Variants in RANBP2 observed in about 807,000 individuals in gnomAD.
RANBP2 encodes the protein E3 SUMO-protein ligase RanBP2.
RANBP2 carries 57 observed loss-of-function variants against 303.6 expected under a neutral mutation model. The observed-to-expected ratio is 0.19, with a 90% CI of 0.15 to 0.23. RANBP2 has a LOEUF of 0.23. Among genes scored for constraint, RANBP2 ranks in the 10% least tolerant of loss-of-function variants. The pLI, the probability that RANBP2 is intolerant of heterozygous loss-of-function variation, is 1.00. For missense variants in RANBP2, 3,138 were observed against 3,780.8 expected, an observed-to-expected ratio of 0.83 and a Z score of 4.46; for synonymous variants, 1,167 against 1,301.5, an observed-to-expected ratio of 0.90 and a Z score of 2.23.
chr2:109,546,336 A>G, the RANBP2 span: 1 of 671,114 alleles, frequency 1.5e-6, no homozygotes, highest in Non-Finnish European at 2.4e-6. Flanking sequence ...AGCGCAACAC[A>G]GAATAACCTA....
the RANBP2 span, chr2:108,910,747 A>G: frequency 5.6e-6 from 9 of 1,610,844 alleles, no homozygotes; most frequent in African/African-American, 9.3e-5. Context: ...CACCGTGCAC[A>G]TGGTGTGTGG....
At chr2:109,677,850 T>C in the RANBP2 span, among the ~76,000 whole-genome samples, 4 of 152,250 alleles carry the variant, frequency 2.6e-5, no homozygotes, top group African/African-American at 9.6e-5. Context: ...TGTCTTACTC[T>C]AAACCAGGCT....
chr2:109,378,176 C>T, the RANBP2 span, among the ~76,000 whole-genome samples: 1 of 152,358 alleles, frequency 6.6e-6, no homozygotes, highest in South Asian at 2.1e-4. Context: ...CGCAGCACCT[C>T]CAGACCTGTC....
rs1676915003 is a variant in RANBP2 at position 108,763,756 on chromosome 2, G to C, written c.3217G>C (p.Asp1073His). ...AAGCCTTTTAGGTCTCCTGACTTCA[G>C]ATAAACCCTTGCAAGGAGATGGCTA... is the stretch of plus-strand genomic sequence containing the variant. Reference protein sequence around the residue: ...SESLLGLLTSDKPLQGDGYSG... With the variant: ...SESLLGLLTSHKPLQGDGYSG... Residue 1073 changes from aspartate (D) to histidine (H), a missense_variant, in exon 20 of 29, where the codon GAT becomes CAT. By Grantham distance (81) the Asp-to-His change is moderately conservative. Coordinates refer to ENST00000283195, the MANE Select transcript of RANBP2 (RefSeq NM_006267.5). 3 of 1,613,942 alleles carry C rather than the reference G, an allele frequency of 1.9e-6. No homozygotes were observed. Among genetic ancestry groups the C allele is most frequent in the Non-Finnish European group, 2.5e-6 (3 of 1,179,962 alleles).
At chr2:109,187,214 T>A in the RANBP2 span, among the ~76,000 whole-genome samples, 1 of 152,356 alleles carries the variant, frequency 6.6e-6, no homozygotes, top group South Asian at 2.1e-4. Context: ...TTACTTGTTA[T>A]CTTAGGTTGA....
At chr2:109,178,296 C>T in the RANBP2 span, among the ~76,000 whole-genome samples, 10 of 152,104 alleles carry the variant, frequency 6.6e-5, no homozygotes, top group African/African-American at 2.4e-4. Flanking sequence ...ATTTTTAGAG[C>T]TCTTTTATGA....
the RANBP2 span, chr2:108,791,540 G>A: frequency 9.7e-7 from 1 of 1,028,030 alleles, no homozygotes; most frequent in Non-Finnish European, 1.5e-6. Context: ...CTTTTTACAT[G>A]TTTACATTTT....
chr2:109,095,096 A>G, the RANBP2 span, among the ~76,000 whole-genome samples: 1 of 152,164 alleles, frequency 6.6e-6, no homozygotes, highest in Non-Finnish European at 1.5e-5. Context: ...ACTTTTGAAA[A>G]TTGTTCAATT....
At position 108,767,966 on chromosome 2, in the gene RANBP2, C is replaced by T; in HGVS notation, c.7427C>T (p.Thr2476Ile). ...GCTGTAGCTGTATTAGAAGAAACCA[C>T]AAGAGAGAGGACAGATGTTATTCAG... The part of the protein sequence containing the change: ...KIAVAVLEET[T>I]RERTDVIQGD... Residue 2476 changes from threonine to isoleucine, a missense_variant, in exon 20 of 29, where the codon ACA (threonine) becomes ATA (isoleucine). This residue lies in a region of RANBP2 where 92 missense variants were observed against 211.0 expected (regional missense o/e 0.44). Transcript: ENST00000283195. 2.5e-6 allele frequency: 4 copies of T among 1,611,874 alleles called. No homozygotes were observed. Among genetic ancestry groups the T allele is most frequent in the African/African-American group, 1.3e-5 (1 of 74,918 alleles).
At chr2:109,350,009 G>A in the RANBP2 span, among the ~76,000 whole-genome samples, 1 of 152,232 alleles carries the variant, frequency 6.6e-6, no homozygotes, top group African/African-American at 2.4e-5. Flanking sequence ...GGCCAGTGGA[G>A]AATGTGCAGA....
At chr2:109,023,230 A>C in the RANBP2 span, among the ~76,000 whole-genome samples, 1 of 152,202 alleles carries the variant, frequency 6.6e-6, no homozygotes, top group African/African-American at 2.4e-5. Flanking sequence ...GCGTTAACAG[A>C]GGTGCCCTGT....
At chr2:109,503,593 G>A in the RANBP2 span, 2 of 152,332 alleles carry the variant, frequency 1.3e-5, no homozygotes, top group East Asian at 3.9e-4. Context: ...AACTTCATCA[G>A]TTGCCCATCC....
chr2:109,204,379 T>G, the RANBP2 span, among the ~76,000 whole-genome samples: 1 of 152,254 alleles, frequency 6.6e-6, no homozygotes, highest in Non-Finnish European at 1.5e-5. Context: ...ATCTTTTAAA[T>G]CATTATCAAT....
At chr2:109,641,756 CT>C in the RANBP2 span, among the ~76,000 whole-genome samples, 127,330 of 151,728 alleles carry the variant, frequency 0.84, 54,031 homozygotes, top group Middle Eastern at 0.9. Flanking sequence ...CCATCACCAT[CT>C]TTTTTTTTAA....
chr2:109,017,627 T>C, the RANBP2 span, among the ~76,000 whole-genome samples: 1 of 152,244 alleles, frequency 6.6e-6, no homozygotes, highest in South Asian at 2.1e-4. Context: ...TTGCTCTTTT[T>C]TTCCAATCTC....
chr2:108,898,987 G>A, the RANBP2 span, among the ~76,000 whole-genome samples: 1 of 152,108 alleles, frequency 6.6e-6, no homozygotes, highest in African/African-American at 2.4e-5. Flanking sequence ...GAGGAGAAGA[G>A]AGTGGGACTA....
the RANBP2 span, among the ~76,000 whole-genome samples, chr2:108,980,143 C>A: frequency 6.6e-6 from 1 of 152,102 alleles, no homozygotes; most frequent in Non-Finnish European, 1.5e-5. Flanking sequence ...AAGTCACTCA[C>A]CACTTTCTCT....
Position 108,763,197 on chromosome 2 carries a change from G to A in RANBP2, c.2698-40G>A, listed in dbSNP as rs545294336. On this transcript the variant is annotated intron_variant, in intron 19 of 28. Transcript: ENST00000283195. ...TTTGCATTTAGTTATCTGTAGTTTT[G>A]TAGACAATCTACAAAATGTTTTAAC... is the stretch of plus-strand genomic sequence containing the variant. 4.4e-6 allele frequency: 7 copies of A among 1,604,466 alleles called. No individual in the cohort carries two copies. In the African/African-American group the frequency reaches 6.7e-5, roughly 15 times the overall value.
the RANBP2 span, among the ~76,000 whole-genome samples, chr2:109,719,397 G>A: frequency 2.8e-5 from 4 of 140,800 alleles, no homozygotes; most frequent in Non-Finnish European, 6.1e-5. Flanking sequence ...ACCGCACCTG[G>A]CTGTGATATA....
Sources: gnomAD v4.1 joint callset for allele counts (sites outside exome capture counted in the v4.1 genomes callset) on GRCh38, gnomAD v4.1.1 for gene constraint, gnomAD v4.1.1 regional missense constraint, MANE v1.5 for transcripts, NCBI Gene and HGNC (gene_info 2026-07-23, HGNC 2026-07-21) for gene names.